TMEM52B: variants seen among roughly 807,000 people sequenced by gnomAD.
TMEM52B encodes transmembrane protein 52B, also known as chromosome 12 open reading frame 59.
Under a neutral mutation model 16.1 loss-of-function variants are expected in TMEM52B, and 11 were observed. That is an observed-to-expected ratio of 0.68 (90% CI 0.43 to 1.13). The LOEUF is 1.13. Ranked by LOEUF, TMEM52B falls within the 50% of genes most tolerant of loss-of-function variation. TMEM52B has a pLI of 0.00. For synonymous variants in TMEM52B, 101 were observed against 93.8 expected, an observed-to-expected ratio of 1.08 and a Z score of -0.45; for missense variants, 243 against 230.4, an observed-to-expected ratio of 1.05 and a Z score of -0.35.
chr12:10,184,707 A>C (rs1948860746), intron 2 of TMEM52B, among the ~76,000 whole-genome samples: 1 of 152,126 alleles, frequency 6.6e-6, no homozygotes, highest in Non-Finnish European at 1.5e-5. Context: ...TGATTGTATG[A>C]CTTTCATACT....
chr12:10,177,955 G>A (rs1948780267), upstream of TMEM52B, among the ~76,000 whole-genome samples: 1 of 151,142 alleles, frequency 6.6e-6, no homozygotes, highest in Non-Finnish European at 1.5e-5. Context: ...GAGTGCAGTG[G>A]TGTGATCTCG....
intron 4 of TMEM52B, among the ~76,000 whole-genome samples, chr12:10,187,716 C>A (rs1948897340): frequency 6.6e-6 from 1 of 152,116 alleles, no homozygotes; most frequent in African/African-American, 2.4e-5. Flanking sequence ...CAAGCATAAG[C>A]CACTGTGCCT....
intron 1 of TMEM52B, among the ~76,000 whole-genome samples, chr12:10,173,967 C>A (rs937856657): frequency 6.6e-6 from 1 of 152,156 alleles, no homozygotes; most frequent in African/African-American, 2.4e-5. Context: ...CACCACCATC[C>A]ATCTCCAGAA....
chr12:10,179,662 T>G, intron 1 of TMEM52B, 34 bp downstream of exon 1: 1 of 1,613,338 alleles, frequency 6.2e-7, no homozygotes, highest in Non-Finnish European at 8.5e-7. Flanking sequence ...GAAAGAGTAT[T>G]TTTCCCCAGA....
chr12:10,184,895 G>A (rs1450218043), intron 2 of TMEM52B, among the ~76,000 whole-genome samples: 1 of 151,252 alleles, frequency 6.6e-6, no homozygotes, highest in Non-Finnish European at 1.5e-5. Context: ...TGTATTTTTA[G>A]TAGAGATGGG....
intron 4 of TMEM52B, among the ~76,000 whole-genome samples, chr12:10,189,278 G>A (rs888624717): frequency 1.3e-5 from 2 of 151,748 alleles, no homozygotes; most frequent in Admixed American, 6.6e-5. Flanking sequence ...GGGGCTGGGG[G>A]AAAGGGATCT....
upstream of TMEM52B, among the ~76,000 whole-genome samples, chr12:10,174,452 C>A (rs184008622): frequency 6.6e-6 from 1 of 152,088 alleles, no homozygotes; most frequent in Non-Finnish European, 1.5e-5. Flanking sequence ...AAGTAGATTT[C>A]GCTGCATAAT....
intron 1 of TMEM52B, among the ~76,000 whole-genome samples, chr12:10,171,077 A>T (rs1195321306): frequency 6.6e-6 from 1 of 152,222 alleles, no homozygotes; most frequent in African/African-American, 2.4e-5. Flanking sequence ...TGAGTAAAGA[A>T]ACGAATGACT....
chr12:10,174,750 C>T (rs577934074), upstream of TMEM52B, among the ~76,000 whole-genome samples: 2 of 152,302 alleles, frequency 1.3e-5, no homozygotes, highest in East Asian at 3.9e-4. Context: ...ATTCCTTTCT[C>T]CTTTCTTGGA....
Position 10,190,113 on chromosome 12 carries a change from G to C in TMEM52B, c.525G>C (p.Ser175=). Residue 175 remains serine (S), a synonymous_variant, in exon 5 of 5, where the codon TCG becomes TCC. Coordinates refer to ENST00000543484, the MANE Select transcript of TMEM52B (RefSeq NM_001384896.1). ...AGCTGCCTCCAACAGAGAAGGAGTCGACTCGAATAGTTGACTCTTGGAACT... is the reference window on the plus strand; with the variant it reads ...AGCTGCCTCCAACAGAGAAGGAGTCCACTCGAATAGTTGACTCTTGGAACT... ...EKQLPPTEKE[S]TRIVDSWN 6.2e-7 allele frequency: 1 copy of C among 1,614,068 alleles called. No homozygotes were observed. The highest frequency in any genetic ancestry group is 8.5e-7 in the Non-Finnish European group (1 of 1,180,002).
chr12:10,173,442 G>C (rs1021947151), intron 1 of TMEM52B, among the ~76,000 whole-genome samples: 2 of 151,940 alleles, frequency 1.3e-5, no homozygotes, highest in African/African-American at 4.8e-5. Context: ...CCTCCTCCCT[G>C]TTTCCTATAT....
rs1459529047 is a variant in TMEM52B at position 10,190,373 on chromosome 12, G to A, written c.*233G>A. 1 of 505,422 alleles carries A rather than the reference G, an allele frequency of 2.0e-6. No homozygotes were observed. Among genetic ancestry groups the A allele is most frequent in the African/African-American group, 1.9e-5 (1 of 51,708 alleles). 31.3% of individuals were successfully genotyped at this position (505,422 alleles called of 1,614,324 possible). A position where few individuals can be genotyped will look rare whatever the true frequency, so the allele number is the denominator to read the frequency against. On this transcript the variant is annotated 3_prime_UTR_variant, in exon 5 of 5. Coordinates refer to ENST00000543484, the MANE Select transcript of TMEM52B (RefSeq NM_001384896.1). ...GGCCAAAATCTGCAAGTAATCTCTAGCCACACTGATTACTACTAAACCAGG... is the reference window on the plus strand; with the variant it reads ...GGCCAAAATCTGCAAGTAATCTCTAACCACACTGATTACTACTAAACCAGG...
At chr12:10,181,959 A>G (rs1948828029) in intron 1 of TMEM52B, among the ~76,000 whole-genome samples, 1 of 140,598 alleles carries the variant, frequency 7.1e-6, no homozygotes, top group African/African-American at 2.7e-5. Flanking sequence ...CCCGGGAGGT[A>G]GAGGTTGCAG....
At chr12:10,183,126 A>G (rs1948842355) in intron 2 of TMEM52B, among the ~76,000 whole-genome samples, 1 of 152,226 alleles carries the variant, frequency 6.6e-6, no homozygotes, top group African/African-American at 2.4e-5. Context: ...ATAAAAATGC[A>G]AAAGAATCAT....
intron 1 of TMEM52B, among the ~76,000 whole-genome samples, chr12:10,173,240 CT>C (rs1221413482): frequency 2.0e-5 from 3 of 152,022 alleles, no homozygotes; most frequent in Admixed American, 2.0e-4. Context: ...TTAGAGATGT[CT>C]TCTGAAGGAA....
chr12:10,178,763 C>G (rs1255862134), upstream of TMEM52B, among the ~76,000 whole-genome samples: 4 of 152,230 alleles, frequency 2.6e-5, no homozygotes, highest in East Asian at 7.7e-4. Context: ...TCTCAGTTAT[C>G]TATTTCAATG....
At chr12:10,181,844 T>C (rs1251965977) in intron 1 of TMEM52B, among the ~76,000 whole-genome samples, 2 of 150,984 alleles carry the variant, frequency 1.3e-5, no homozygotes, top group African/African-American at 2.4e-5. Context: ...CTGGCCAACA[T>C]GGTGAAACCC....
At chr12:10,185,842 G>A (rs1197070689) in intron 3 of TMEM52B, among the ~76,000 whole-genome samples, 1 of 152,112 alleles carries the variant, frequency 6.6e-6, no homozygotes, top group Non-Finnish European at 1.5e-5. Context: ...AGGAGTTCAA[G>A]ACCAGCCTGA....
At position 10,189,926 on chromosome 12, in the gene TMEM52B, G is replaced by T; in HGVS notation, c.338G>T (p.Arg113Leu). The change falls in exon 5 of 5, where the codon CGG becomes CTG. Residue 113 changes from arginine (R) to leucine (L), a missense_variant. Transcript: ENST00000543484. ...CAGTCGGTGTTTGGCCCTGCAGCTCGGAGGATCCTGGCTGTGGCTCACTCC... is the reference window on the plus strand; with the variant it reads ...CAGTCGGTGTTTGGCCCTGCAGCTCTGAGGATCCTGGCTGTGGCTCACTCC... ...SLQSVFGPAA[R>L]RILAVAHSHS... is the part of the protein sequence containing the mutation. The T allele has an allele frequency of 6.2e-7, 1 of 1,614,026 alleles. No homozygotes were observed. The highest frequency in any genetic ancestry group is 8.5e-7 in the Non-Finnish European group (1 of 1,180,030).
Sources: allele counts gnomAD v4.1 joint callset (sites outside exome capture counted in the v4.1 genomes callset), GRCh38; gene constraint gnomAD v4.1.1; transcripts MANE v1.5; gene names NCBI Gene and HGNC (gene_info 2026-07-23, HGNC 2026-07-21).